The following NXPH1 variants were observed in gnomAD, a reference collection of about 807,000 sequenced individuals.
NXPH1 encodes the protein neurexophilin 1.
NXPH1 carries 5 observed loss-of-function variants against 23.7 expected under a neutral mutation model. The ratio of observed to expected loss-of-function variants is 0.21; its 90% confidence interval spans 0.11 to 0.44. The LOEUF (loss-of-function observed/expected upper bound fraction) is 0.44, where lower values mean the gene tolerates loss of function less well. Among genes scored for constraint, NXPH1 ranks in the 20% least tolerant of loss-of-function variants. The pLI is 0.99. For synonymous variants in NXPH1, 144 were observed against 122.2 expected (o/e 1.18, Z -1.18); for missense variants, 324 against 321.6 (o/e 1.01, Z -0.06).
Position 8,596,403 on chromosome 7 carries a change from G to C in NXPH1, c.55-154605G>C, listed in dbSNP as rs536301598. On this transcript the variant is annotated intron_variant, in intron 2 of 2. Coordinates refer to ENST00000405863, the MANE Select transcript of NXPH1 (RefSeq NM_152745.3). ...AGACATTTAGTTATTAGGGCTCTTGGAAGAATGTTTCCTGCTAAATGGCCC... is the reference window on the plus strand; with the variant it reads ...AGACATTTAGTTATTAGGGCTCTTGCAAGAATGTTTCCTGCTAAATGGCCC... Among the ~76,000 whole-genome samples the C allele has an allele frequency of 5.3e-5, 8 of 152,196 alleles. No individual in the cohort carries two copies. The South Asian group carries it at 1.7e-3, about 32-fold the overall frequency.
intron 2 of NXPH1, among the ~76,000 whole-genome samples, chr7:8,591,455 T>C (rs1464672952): frequency 6.6e-6 from 1 of 152,086 alleles, no homozygotes; most frequent in Non-Finnish European, 1.5e-5. Context: ...CCTGTATCTT[T>C]TCTCAAGCTG....
intron 2 of NXPH1, among the ~76,000 whole-genome samples, chr7:8,496,761 T>C (rs1817344320): frequency 6.6e-6 from 1 of 152,118 alleles, no homozygotes; most frequent in Non-Finnish European, 1.5e-5. Flanking sequence ...AATGTCTCAA[T>C]GTCTCACAAG....
chr7:8,743,055 T>G (rs1780393739), intron 2 of NXPH1, among the ~76,000 whole-genome samples: 2 of 152,200 alleles, frequency 1.3e-5, no homozygotes, highest in Admixed American at 6.5e-5. Context: ...TAACCAATAG[T>G]AGTCAATATT....
intron 2 of NXPH1, among the ~76,000 whole-genome samples, chr7:8,594,874 G>A (rs1819184315): frequency 6.6e-6 from 1 of 151,746 alleles, no homozygotes; most frequent in African/African-American, 2.4e-5. Context: ...GATTTTCATG[G>A]GGAATAAACT....
intron 2 of NXPH1, among the ~76,000 whole-genome samples, chr7:8,679,053 T>C (rs1030301683): frequency 6.1e-5 from 9 of 148,226 alleles, no homozygotes; most frequent in Non-Finnish European, 1.5e-5. Context: ...GTTCACGCCA[T>C]TCTCCTGCCT....
chr7:8,616,364 A>G (rs1411120065), intron 2 of NXPH1, among the ~76,000 whole-genome samples: 2 of 152,044 alleles, frequency 1.3e-5, no homozygotes, highest in African/African-American at 2.4e-5. Context: ...CTCTGTCTCT[A>G]TCAGGACTCC....
intron 2 of NXPH1, among the ~76,000 whole-genome samples, chr7:8,738,611 C>T (rs747503151): frequency 1.3e-5 from 2 of 152,162 alleles, no homozygotes; most frequent in Non-Finnish European, 2.9e-5. Context: ...GAGGGACCCA[C>T]TTGAGGAGGC....
intron 2 of NXPH1, among the ~76,000 whole-genome samples, chr7:8,444,125 C>A (rs568818103): frequency 4.5e-4 from 68 of 152,358 alleles, no homozygotes; most frequent in Admixed American, 9.8e-4. Flanking sequence ...CTGGGAAGTT[C>A]TGTCCGTTTC....
At chr7:8,689,479 G>A (rs1280132628) in intron 2 of NXPH1, among the ~76,000 whole-genome samples, 1 of 152,138 alleles carries the variant, frequency 6.6e-6, no homozygotes, top group Non-Finnish European at 1.5e-5. Flanking sequence ...CAACAGTGGG[G>A]GATCCTCGCT....
chr7:8,695,206 T>A (rs1246412942), intron 2 of NXPH1, among the ~76,000 whole-genome samples: 1 of 152,228 alleles, frequency 6.6e-6, no homozygotes, highest in Non-Finnish European at 1.5e-5. Flanking sequence ...AGCTCCAATT[T>A]AAGGTCTTGG....
At chr7:8,697,754 A>T (rs1304649717) in intron 2 of NXPH1, among the ~76,000 whole-genome samples, 1 of 152,206 alleles carries the variant, frequency 6.6e-6, no homozygotes, top group Non-Finnish European at 1.5e-5. Flanking sequence ...GAAGCCAGAG[A>T]AAGTCTCAGG....
intron 2 of NXPH1, among the ~76,000 whole-genome samples, chr7:8,704,093 G>A (rs999246494): frequency 1.3e-5 from 2 of 152,120 alleles, no homozygotes; most frequent in African/African-American, 4.8e-5. Context: ...TATAGCATAA[G>A]GTTAAACTTA....
chr7:8,437,627 T>C (rs1313515214), intron 2 of NXPH1, among the ~76,000 whole-genome samples: 1 of 152,218 alleles, frequency 6.6e-6, no homozygotes, highest in Non-Finnish European at 1.5e-5. Flanking sequence ...CAATACTTTG[T>C]GTTAAATTTT....
chr7:8,662,499 A>C (rs1820693408), intron 2 of NXPH1, among the ~76,000 whole-genome samples: 1 of 152,098 alleles, frequency 6.6e-6, no homozygotes, highest in Admixed American at 6.6e-5. Context: ...AAGCATAGTT[A>C]TGATTCTATT....
intron 2 of NXPH1, among the ~76,000 whole-genome samples, chr7:8,555,211 A>T (rs1009486315): frequency 4.0e-5 from 6 of 151,710 alleles, no homozygotes; most frequent in African/African-American, 1.4e-4. Context: ...TGATAGACTG[A>T]AGTCCAGTGG....
At chr7:8,474,889 A>G (rs985879611) in intron 2 of NXPH1, among the ~76,000 whole-genome samples, 9 of 152,076 alleles carry the variant, frequency 5.9e-5, no homozygotes, top group African/African-American at 1.2e-4. Context: ...AGCTGCGGCC[A>G]TGCTGGTTGG....
chr7:8,452,840 C>T (rs114588729), intron 2 of NXPH1, among the ~76,000 whole-genome samples: 36 of 152,204 alleles, frequency 2.4e-4, no homozygotes, highest in African/African-American at 8.2e-4. Flanking sequence ...AGCCACTTCA[C>T]AAATCTTCTG....
intron 2 of NXPH1, among the ~76,000 whole-genome samples, chr7:8,597,365 C>A (rs1819248727): frequency 6.6e-6 from 1 of 151,916 alleles, no homozygotes; most frequent in Non-Finnish European, 1.5e-5. Context: ...GTGCTAGAAT[C>A]TAACCAAAGA....
At chr7:8,569,799 C>G (rs556122261) in intron 2 of NXPH1, among the ~76,000 whole-genome samples, 1 of 151,948 alleles carries the variant, frequency 6.6e-6, no homozygotes, top group South Asian at 2.1e-4. Context: ...GGTTCCCACA[C>G]TACTCAACAC....
Sources: allele counts gnomAD v4.1 joint callset (sites outside exome capture counted in the v4.1 genomes callset), GRCh38; gene constraint gnomAD v4.1.1; transcripts MANE v1.5; gene names NCBI Gene and HGNC (gene_info 2026-07-23, HGNC 2026-07-21).